The following KLF13 variants were observed in gnomAD, a reference collection of about 807,000 sequenced individuals.
KLF13 encodes KLF transcription factor 13.
Under a neutral mutation model 16.7 loss-of-function variants are expected in KLF13, and 8 were observed. The observed-to-expected ratio is 0.48, with a 90% confidence interval of 0.28 to 0.87. KLF13 has a LOEUF of 0.87. KLF13 is among the 40% of genes least tolerant of loss of function. KLF13 has a pLI of 0.10. For synonymous variants in KLF13, 245 were observed against 208.4 expected, an observed-to-expected ratio of 1.18 and a Z score of -1.51; for missense variants, 447 against 452.2, an observed-to-expected ratio of 0.99 and a Z score of 0.10.
chr15:31,419,544 G>A (rs542410354), intron 1 of KLF13, among the ~76,000 whole-genome samples: 1 of 152,202 alleles, frequency 6.6e-6, no homozygotes, highest in African/African-American at 2.4e-5. Context: ...CGCTAGAAGG[G>A]TTCAATAGAC....
chr15:31,372,434 T>C lies in KLF13; in HGVS notation c.*135T>C. On this transcript the variant is annotated 3_prime_UTR_variant, in exon 2 of 2. Transcript: ENST00000307145. The stretch of plus-strand genomic sequence containing the variant: ...ATTTTTTTCACCTCAGGTGTCAAAG[T>C]AAATTTGTTAAAAAAACAAAAAAAA... 9.8e-7 allele frequency: 1 copy of C among 1,020,834 alleles called. No individual in the cohort carries two copies. Among genetic ancestry groups the C allele is most frequent in the African/African-American group, 1.7e-5 (1 of 59,578 alleles). 63.2% of individuals were successfully genotyped at this position (1,020,834 alleles called of 1,614,324 possible).
chr15:31,369,641 C>T (rs1051906444), intron 1 of KLF13, among the ~76,000 whole-genome samples: 1 of 152,178 alleles, frequency 6.6e-6, no homozygotes, highest in Non-Finnish European at 1.5e-5. Flanking sequence ...TCACTTTCCT[C>T]CTGGAATTTT....
rs982834778 is a variant in KLF13 at position 31,372,838 on chromosome 15, TGGCTG to T, written c.*544_*548del. 1 of 152,712 alleles carries T rather than the reference TGGCTG, an allele frequency of 6.5e-6. No homozygotes were observed. The highest frequency in any genetic ancestry group is 2.4e-5 in the African/African-American group (1 of 41,484). 9.5% of individuals were successfully genotyped at this position (152,712 alleles called of 1,614,324 possible). On this transcript the variant is annotated 3_prime_UTR_variant, in exon 2 of 2. Coordinates refer to ENST00000307145, the MANE Select transcript of KLF13 (RefSeq NM_015995.4). ...GTCTCTGGCCTCTGCCCAACGAGCC[TGGCTG>T]GGCTTGCAACGCAGCTGATTCTGAG...
chr15:31,359,958 A>G (rs748366934), intron 1 of KLF13, among the ~76,000 whole-genome samples: 1 of 152,160 alleles, frequency 6.6e-6, no homozygotes, highest in Non-Finnish European at 1.5e-5. Context: ...GGCAGGTAGG[A>G]CACAGAACAG....
At chr15:31,432,332 C>T (rs75934361) in intron 1 of KLF13, among the ~76,000 whole-genome samples, 8,851 of 152,064 alleles carry the variant, frequency 0.058, 973 homozygotes, top group African/African-American at 0.2. Flanking sequence ...ACCAGCCAAC[C>T]GGGCCACACC....
In KLF13 at chr15:31,376,305, C is replaced by CCTGA. The variant is rs35386380; in HGVS notation, c.*4008_*4009insGACT. ...GGTTGTGGCTGTGTGTACAGGGCTACCTATTTTGACTTCTGACAGGTGTCA... is the reference window on the plus strand; with the variant it reads ...GGTTGTGGCTGTGTGTACAGGGCTACCTGACTATTTTGACTTCTGACAGGTGTCA... On this transcript the variant is annotated 3_prime_UTR_variant, in exon 2 of 2. Coordinates refer to ENST00000307145, the MANE Select transcript of KLF13 (RefSeq NM_015995.4). 87,382 of 151,816 alleles carry CCTGA rather than the reference C, an allele frequency of 0.58. 25,193 individuals are homozygous for CCTGA. The highest frequency in any genetic ancestry group is 0.64 in the East Asian group (3,252 of 5,118). The allele number at this position is 151,816 out of a possible 1,614,324, so 9.4% of individuals were successfully genotyped here.
chr15:31,413,462 G>C (rs993923713), intron 1 of KLF13, among the ~76,000 whole-genome samples: 38 of 152,172 alleles, frequency 2.5e-4, no homozygotes, highest in African/African-American at 8.4e-4. Context: ...AAATCTTAAA[G>C]GCAGCAAGAG....
At chr15:31,371,900 T>G in intron 1 of KLF13, 110 bp from the exon 2 acceptor site, 3 of 1,212,090 alleles carry the variant, frequency 2.5e-6, no homozygotes, top group Non-Finnish European at 3.4e-6. Context: ...GTGGGGCATG[T>G]GGGAGGGGTG....
chr15:31,393,873 C>A (rs944964204), intron 2 of KLF13, among the ~76,000 whole-genome samples: 5 of 152,078 alleles, frequency 3.3e-5, no homozygotes, highest in Non-Finnish European at 7.4e-5. Flanking sequence ...GGCACCGGGT[C>A]GGGCTTCTGT....
At chr15:31,351,276 A>G (rs990395635) in intron 1 of KLF13, among the ~76,000 whole-genome samples, 26 of 152,218 alleles carry the variant, frequency 1.7e-4, no homozygotes, top group African/African-American at 6.0e-4. Context: ...TTAATTAAGG[A>G]TGATTTGAGA....
At chr15:31,433,596 C>A (rs1478672067) in intron 1 of KLF13, among the ~76,000 whole-genome samples, 1 of 152,154 alleles carries the variant, frequency 6.6e-6, no homozygotes. Flanking sequence ...TGTTTCCCAC[C>A]TCCCGTTCTA....
At chr15:31,385,960 T>G (rs1433093132) in intron 1 of KLF13, among the ~76,000 whole-genome samples, 1 of 152,232 alleles carries the variant, frequency 6.6e-6, no homozygotes, top group East Asian at 1.9e-4. Context: ...TCGAAGGAAC[T>G]TAAAAGTGTT....
At chr15:31,327,993 C>G (rs967469156) in intron 1 of KLF13, among the ~76,000 whole-genome samples, 46 of 148,128 alleles carry the variant, frequency 3.1e-4, no homozygotes, top group African/African-American at 1.1e-3. Flanking sequence ...GGAGCCGGCG[C>G]CCGCCAGGCG....
intron 1 of KLF13, among the ~76,000 whole-genome samples, chr15:31,328,221 T>G (rs2038756566): frequency 6.8e-6 from 1 of 147,182 alleles, no homozygotes; most frequent in African/African-American, 2.5e-5. Context: ...CCTCGTTTCC[T>G]CCCCCGCTGC....
At chr15:31,344,158 G>A (rs1045296509) in intron 1 of KLF13, among the ~76,000 whole-genome samples, 1 of 152,226 alleles carries the variant, frequency 6.6e-6, no homozygotes, top group Non-Finnish European at 1.5e-5. Flanking sequence ...ACCACCCTGA[G>A]CCTGTCACTC....
At chr15:31,398,364 G>A (rs532632906) in intron 2 of KLF13, among the ~76,000 whole-genome samples, 56 of 152,330 alleles carry the variant, frequency 3.7e-4, no homozygotes, top group African/African-American at 1.3e-3. Context: ...TATGGGGGTG[G>A]CAGCAGAAGC....
In KLF13 at chr15:31,327,198, G is replaced by A. The variant is rs546367534; in HGVS notation, c.-15G>A. 169 of 1,316,870 alleles carry A rather than the reference G, an allele frequency of 1.3e-4. No homozygotes were observed. The African/African-American group carries it at 2.5e-3, about 19-fold the overall frequency. The allele number at this position is 1,316,870 out of a possible 1,614,324, so 81.6% of individuals were successfully genotyped here. ...ACTCGCAGCAAGAGCACCGCCGCCG[G>A]CCCCAGCCCGCAGCATGGCAGCCGC... On this transcript the variant is annotated 5_prime_UTR_variant, in exon 1 of 2. Transcript: ENST00000307145.
At position 31,377,085 on chromosome 15, in the gene KLF13, C is replaced by T. The variant is rs1055795099; in HGVS notation, c.*4786C>T. ...TCTTCTAGAGGGCCCGTGGACAGGTCGCAGTGCGTGCTTATTTGGAAACCA... is the reference window on the plus strand; with the variant it reads ...TCTTCTAGAGGGCCCGTGGACAGGTTGCAGTGCGTGCTTATTTGGAAACCA... On this transcript the variant is annotated 3_prime_UTR_variant, in exon 2 of 2. Coordinates refer to ENST00000307145, the MANE Select transcript of KLF13 (RefSeq NM_015995.4). 4 of 152,092 alleles carry T rather than the reference C, an allele frequency of 2.6e-5. No homozygotes were observed. The highest frequency in any genetic ancestry group is 9.7e-5 in the African/African-American group (4 of 41,372). 9.4% of individuals were successfully genotyped at this position (152,092 alleles called of 1,614,324 possible).
At chr15:31,384,782 G>A (rs918196217) in intron 1 of KLF13, among the ~76,000 whole-genome samples, 2 of 152,172 alleles carry the variant, frequency 1.3e-5, no homozygotes, top group Admixed American at 1.3e-4. Flanking sequence ...AGCTGAGTGT[G>A]TCATCCCAAA....
Sources: gnomAD v4.1 joint callset for allele counts (sites outside exome capture counted in the v4.1 genomes callset) on GRCh38, gnomAD v4.1.1 for gene constraint, MANE v1.5 for transcripts, NCBI Gene and HGNC (gene_info 2026-07-23, HGNC 2026-07-21) for gene names.